Variants in CCDC141 observed in about 807,000 individuals in gnomAD.
The protein encoded by CCDC141 is coiled-coil domain-containing protein 141.
CCDC141 carries 168 observed loss-of-function variants against 181.0 expected under a neutral mutation model. That is an observed-to-expected ratio of 0.93 (90% CI 0.82 to 1.05). CCDC141 has a LOEUF of 1.05. Among genes scored for constraint, CCDC141 ranks in the 50% least tolerant of loss-of-function variants. The probability of loss-of-function intolerance (pLI) is 0.00; values close to 1 mark genes in which losing one functional copy is unlikely to be tolerated. For synonymous variants in CCDC141, 666 were observed against 642.3 expected, an observed-to-expected ratio of 1.04 and a Z score of -0.56; for missense variants, 1,902 against 1,788.5, an observed-to-expected ratio of 1.06 and a Z score of -1.14.
Position 178,871,470 on chromosome 2 carries a change from A to G in CCDC141, c.2162T>C (p.Leu721Ser), listed in dbSNP as rs766054164. The change falls in exon 14 of 24, where the codon TTA becomes TCA. Residue 721 changes from leucine to serine, a missense_variant. Leu to Ser is a moderately radical substitution (Grantham distance 145). Coordinates refer to ENST00000443758, the MANE Select transcript of CCDC141 (RefSeq NM_173648.4). ...LDLGGSLQFI[L>S]DLRQKWNDMK... ...GTCATTCCATTTTTGTCGTAGATCT[A>G]AAATGAACTGGAGGCTCCCTCCGAG... 9 of 1,613,864 alleles carry G rather than the reference A, an allele frequency of 5.6e-6. No homozygotes were observed. The highest frequency in any genetic ancestry group is 2.2e-5 in the East Asian group (1 of 44,892).
Position 178,865,805 on chromosome 2 carries a change from T to C in CCDC141, c.2686A>G (p.Ser896Gly). Residue 896 changes from serine to glycine, a missense_variant, in exon 17 of 24, where the codon AGT becomes GGT. By Grantham distance (56) the Ser-to-Gly change is moderately conservative. Coordinates refer to ENST00000443758, the MANE Select transcript of CCDC141 (RefSeq NM_173648.4). The part of the protein sequence containing the change: ...AEEYGRTLSR[S>G]VEYCAMRDEI... ...TCTCTCATGGCGCAGTACTCCACACTACGGGACAGGGTCCGTCCATACTCC... is the reference window on the plus strand; with the variant it reads ...TCTCTCATGGCGCAGTACTCCACACCACGGGACAGGGTCCGTCCATACTCC... The C allele has an allele frequency of 6.2e-7, 1 of 1,602,386 alleles. No individual in the cohort carries two copies. Among genetic ancestry groups the C allele is most frequent in the Non-Finnish European group, 8.5e-7 (1 of 1,174,420 alleles).
chr2:178,961,242 T>C lies in CCDC141; in HGVS notation c.768A>G (p.Gln256=), dbSNP rs1006141873. Residue 256 remains glutamine, a synonymous_variant, in exon 5 of 24, where the codon CAA becomes CAG. Coordinates refer to ENST00000443758, the MANE Select transcript of CCDC141 (RefSeq NM_173648.4). The part of the protein sequence containing the change: ...SQVLQICQWD[Q]QENQVTCWFQ... ...CCCTTTGGGTTACCTGGTTTTCTTG[T>C]TGGTCCCACTGACATATCTGCAGAA... The C allele has an allele frequency of 3.2e-6, 5 of 1,550,240 alleles. No individual in the cohort carries two copies. Among genetic ancestry groups the C allele is most frequent in the Non-Finnish European group, 4.4e-6 (5 of 1,146,718 alleles).
chr2:178,972,646 A>C (rs1042853967), intron 4 of CCDC141, among the ~76,000 whole-genome samples: 1 of 152,236 alleles, frequency 6.6e-6, no homozygotes, highest in African/African-American at 2.4e-5. Flanking sequence ...GAGGGCAACC[A>C]GGCCAGTAAG....
chr2:178,959,487 T>C (rs1379104453), intron 5 of CCDC141, among the ~76,000 whole-genome samples: 2 of 152,160 alleles, frequency 1.3e-5, no homozygotes, highest in African/African-American at 4.8e-5. Context: ...CAAAGAACTT[T>C]GGAAACAGTT....
intron 11 of CCDC141, among the ~76,000 whole-genome samples, chr2:178,882,279 G>A (rs1686660471): frequency 6.6e-6 from 1 of 152,114 alleles, no homozygotes; most frequent in Non-Finnish European, 1.5e-5. Flanking sequence ...TGAGGCAGGA[G>A]AATCACTTGA....
chr2:178,860,541 C>A (rs1575139643), intron 17 of CCDC141, among the ~76,000 whole-genome samples: 3 of 66,494 alleles, frequency 4.5e-5, no homozygotes, highest in South Asian at 4.5e-4. Context: ...AAAAAAACAA[C>A]ACTTTTTTTT....
In CCDC141 at chr2:178,845,649, T is replaced by C. The variant is rs769214134; in HGVS notation, c.3451A>G (p.Ile1151Val). 8.1e-6 allele frequency: 13 copies of C among 1,600,648 alleles called. No individual in the cohort carries two copies. The highest frequency in any genetic ancestry group is 1.1e-5 in the South Asian group (1 of 90,784). Residue 1151 changes from isoleucine to valine, a missense_variant, in exon 22 of 24, where the codon ATA becomes GTA. Physicochemically the swap from Ile to Val is conservative, Grantham distance 29. Transcript: ENST00000443758. ...LKEPAKNKQT[I>V]FNEERNKGQV... ...ACCTTATTCCTTTCTTCATTGAATA[T>C]TGTCTGCTTATTTTTTGCTGGTTCC...
At position 178,902,823 on chromosome 2, in the gene CCDC141, T is replaced by C. The variant is rs1343453932; in HGVS notation, c.1265+2506A>G. Among the ~76,000 whole-genome samples, 25 of 149,278 alleles carry C rather than the reference T, an allele frequency of 1.7e-4. 1 individual carries two copies. In the South Asian group the frequency reaches 5.2e-3, roughly 31 times the overall value. On this transcript the variant is annotated intron_variant, in intron 8 of 23. Transcript: ENST00000443758. ...CTACCATCAGAGTGAACAGGCAACCTACAAAATGGGAGAAAATTTTCGCAA... is the reference window on the plus strand; with the variant it reads ...CTACCATCAGAGTGAACAGGCAACCCACAAAATGGGAGAAAATTTTCGCAA...
At chr2:178,852,489 C>T (rs1052507046) in intron 20 of CCDC141, among the ~76,000 whole-genome samples, 4 of 152,114 alleles carry the variant, frequency 2.6e-5, no homozygotes, top group African/African-American at 9.7e-5. Flanking sequence ...CCTTAGTTTC[C>T]ATTAATTTTT....
At chr2:178,861,078 G>A (rs1403061023) in intron 17 of CCDC141, among the ~76,000 whole-genome samples, 2 of 152,000 alleles carry the variant, frequency 1.3e-5, no homozygotes, top group Non-Finnish European at 2.9e-5. Context: ...GATGGACCCA[G>A]GATGGGGCCC....
intron 4 of CCDC141, among the ~76,000 whole-genome samples, chr2:178,967,225 A>G (rs1176336979): frequency 1.3e-5 from 2 of 152,198 alleles, no homozygotes; most frequent in Non-Finnish European, 2.9e-5. Flanking sequence ...AAGGCAGGCC[A>G]ACATTCAAAT....
intron 12 of CCDC141, chr2:178,874,642 A>G (rs2154369490): frequency 6.6e-6 from 1 of 152,310 alleles, no homozygotes; most frequent in East Asian, 1.9e-4. Flanking sequence ...ATCCATTTGA[A>G]GGAAGCAGAG....
intron 2 of CCDC141, among the ~76,000 whole-genome samples, chr2:179,029,676 G>T (rs1194141432): frequency 1.3e-5 from 2 of 152,108 alleles, no homozygotes; most frequent in Non-Finnish European, 2.9e-5. Context: ...CTATTTGCAA[G>T]CTTAGCTGGG....
At chr2:178,994,350 T>C (rs1411924880) in intron 2 of CCDC141, among the ~76,000 whole-genome samples, 1 of 152,240 alleles carries the variant, frequency 6.6e-6, no homozygotes, top group Non-Finnish European at 1.5e-5. Flanking sequence ...TGACACCATG[T>C]GGAAGCTGCC....
At chr2:178,958,618 C>G (rs1326967432) in intron 5 of CCDC141, among the ~76,000 whole-genome samples, 3 of 152,110 alleles carry the variant, frequency 2.0e-5, no homozygotes, top group Non-Finnish European at 4.4e-5. Flanking sequence ...TTTCTGCTTT[C>G]CAGGTTTAGC....
chr2:178,923,167 G>C (rs561719710), intron 6 of CCDC141, among the ~76,000 whole-genome samples: 70 of 148,452 alleles, frequency 4.7e-4, no homozygotes, highest in African/African-American at 1.7e-3. Flanking sequence ...TGCAGTGGCG[G>C]GATCTCGGCT....
chr2:178,952,378 AT>A (rs937208652), intron 5 of CCDC141, among the ~76,000 whole-genome samples: 7 of 152,178 alleles, frequency 4.6e-5, no homozygotes, highest in African/African-American at 9.7e-5. Flanking sequence ...AATATATAAT[AT>A]TTTTTGTTTT....
At chr2:179,047,835 T>A (rs889389613) in intron 1 of CCDC141, among the ~76,000 whole-genome samples, 1 of 152,216 alleles carries the variant, frequency 6.6e-6, no homozygotes, top group Non-Finnish European at 1.5e-5. Flanking sequence ...ATGGGGAAAG[T>A]TCTTGTAAAT....
the CCDC141 span, among the ~76,000 whole-genome samples, chr2:178,816,080 CTGT>C: frequency 7.2e-5 from 11 of 152,182 alleles, no homozygotes; most frequent in African/African-American, 2.4e-4. Context: ...TTAGGGTTCA[CTGT>C]TGTTTGGACA....
Sources: gnomAD v4.1 joint callset for allele counts (sites outside exome capture counted in the v4.1 genomes callset) on GRCh38, gnomAD v4.1.1 for gene constraint, MANE v1.5 for transcripts, NCBI Gene and HGNC (gene_info 2026-07-23, HGNC 2026-07-21) for gene names.